Variants in EPSTI1 observed in about 807,000 individuals in gnomAD.
EPSTI1 encodes epithelial-stromal interaction protein 1.
Under a neutral mutation model 49.9 loss-of-function variants are expected in EPSTI1, and 66 were observed. The observed-to-expected ratio is 1.32, with a 90% CI of 1.08 to 1.62. The LOEUF is 1.62. EPSTI1 is among the 40% of genes most tolerant of loss of function. The pLI is 0.00. For missense variants in EPSTI1, 394 were observed against 365.5 expected (o/e 1.08, Z -0.64); for synonymous variants, 137 against 130.7 (o/e 1.05, Z -0.33).
intron 8 of EPSTI1, among the ~76,000 whole-genome samples, chr13:42,903,971 A>G (rs2037431019): frequency 1.3e-5 from 2 of 152,246 alleles, no homozygotes; most frequent in Non-Finnish European, 2.9e-5. Flanking sequence ...TGCATAGGCT[A>G]ATTCAATTTT....
In EPSTI1 at chr13:42,901,528, CAAT is replaced by C. The variant is rs146471089; in HGVS notation, c.742-1148_742-1146del. On this transcript the variant is annotated intron_variant, in intron 8 of 10. Transcript: ENST00000313624. ...AATCAATGAATAATATTTGTCCACT[CAAT>C]AAGCATTTGTTATACACCTTGCTGC... Among the ~76,000 whole-genome samples the C allele has an allele frequency of 1.6e-3, 244 of 152,260 alleles. 1 individual carries two copies. Among genetic ancestry groups the C allele is most frequent in the Non-Finnish European group, 3.0e-3 (206 of 68,038 alleles).
chr13:42,931,261 A>G (rs1455321113), intron 6 of EPSTI1, among the ~76,000 whole-genome samples: 1 of 131,384 alleles, frequency 7.6e-6, no homozygotes, highest in Non-Finnish European at 1.5e-5. Context: ...TGCGGACTGC[A>G]GTGGCGCAAT....
chr13:42,969,127 C>T lies in EPSTI1; in HGVS notation c.298G>A (p.Ala100Thr). The change falls in exon 3 of 11, where the codon GCT becomes ACT. Residue 100 changes from alanine (A) to threonine (T), a missense_variant. Transcript: ENST00000313624. ...CTGGGCACCAGGTGAACCGGTTTAG[C>T]TCTGTTCTGCTCCTTCCACTTCTCC... ...NLEKWKEQNRAKPVHLVPRRL... is the reference protein window; with the variant it reads ...NLEKWKEQNRTKPVHLVPRRL... 4.3e-6 allele frequency: 7 copies of T among 1,614,142 alleles called. No individual in the cohort carries two copies. The South Asian group carries it at 6.6e-5, about 15-fold the overall frequency.
intron 1 of EPSTI1, among the ~76,000 whole-genome samples, chr13:42,986,975 C>T (rs573824807): frequency 6.6e-6 from 1 of 152,156 alleles, no homozygotes; most frequent in African/African-American, 2.4e-5. Flanking sequence ...CCACCACCTA[C>T]CCCTTCATCT....
intron 3 of EPSTI1, among the ~76,000 whole-genome samples, chr13:42,968,717 G>A (rs1376608186): frequency 1.3e-5 from 2 of 151,932 alleles, no homozygotes; most frequent in Non-Finnish European, 2.9e-5. Context: ...ACATTTAACT[G>A]CCATGATTAA....
intron 8 of EPSTI1, among the ~76,000 whole-genome samples, chr13:42,909,034 A>G (rs1195643723): frequency 6.6e-6 from 1 of 152,170 alleles, no homozygotes; most frequent in Non-Finnish European, 1.5e-5. Context: ...CAGAGTTTGC[A>G]GTGTGCCAAG....
At chr13:42,926,154 T>G (rs1405149248) in intron 7 of EPSTI1, among the ~76,000 whole-genome samples, 182 bp downstream of exon 7, 2 of 152,154 alleles carry the variant, frequency 1.3e-5, no homozygotes, top group South Asian at 2.1e-4. Context: ...CAGGTGCCCA[T>G]AAAATAATAC....
intron 3 of EPSTI1, among the ~76,000 whole-genome samples, chr13:42,964,509 G>A (rs1226615930): frequency 1.3e-5 from 2 of 152,092 alleles, no homozygotes; most frequent in Non-Finnish European, 2.9e-5. Flanking sequence ...ATATGACCAT[G>A]CCCGAACCTA....
At chr13:42,978,248 G>C (rs549740559) in intron 1 of EPSTI1, among the ~76,000 whole-genome samples, 2 of 152,252 alleles carry the variant, frequency 1.3e-5, no homozygotes, top group African/African-American at 4.8e-5. Flanking sequence ...GGTGGTCAGA[G>C]TACAGTTTGG....
chr13:42,920,431 C>A (rs1162595746), intron 7 of EPSTI1, among the ~76,000 whole-genome samples: 1 of 152,140 alleles, frequency 6.6e-6, no homozygotes, highest in Admixed American at 6.5e-5. Context: ...AGGAAAAGAG[C>A]AAACCTGAAG....
At position 42,895,771 on chromosome 13, in the gene EPSTI1, G is replaced by C. The variant is rs894330873; in HGVS notation, c.816-663C>G. On this transcript the variant is annotated intron_variant, in intron 9 of 10. Transcript: ENST00000313624. Reference sequence around the variant, plus strand: ...TGCTCTGAGTTGCCCACGTATGGCTGAGTAGAGTCAGGGACTTGGAAGCTG... The same window carrying C: ...TGCTCTGAGTTGCCCACGTATGGCTCAGTAGAGTCAGGGACTTGGAAGCTG... Among the ~76,000 whole-genome samples the C allele has an allele frequency of 5.9e-5, 9 of 152,200 alleles. No homozygotes were observed. The South Asian group carries it at 6.2e-4, about 11-fold the overall frequency.
chr13:42,988,535 G>A (rs1213025392), intron 1 of EPSTI1, among the ~76,000 whole-genome samples: 7 of 152,088 alleles, frequency 4.6e-5, no homozygotes, highest in Admixed American at 2.6e-4. Flanking sequence ...GTTTGAGACC[G>A]GCCTGGCCAA....
chr13:42,988,130 C>T (rs1489809246), intron 1 of EPSTI1, among the ~76,000 whole-genome samples: 2 of 152,096 alleles, frequency 1.3e-5, no homozygotes, highest in Non-Finnish European at 2.9e-5. Flanking sequence ...TGAATTCAAC[C>T]CTATATTACC....
chr13:42,951,048 T>C (rs2039079632), intron 6 of EPSTI1, among the ~76,000 whole-genome samples: 1 of 152,104 alleles, frequency 6.6e-6, no homozygotes, highest in South Asian at 2.1e-4. Context: ...TCCCAGCTAC[T>C]TGGGAGGCTG....
rs2038378250 is a variant in EPSTI1 at position 42,931,640 on chromosome 13, A to C, written c.564-5211T>G. Among the ~76,000 whole-genome samples, 3 of 152,220 alleles carry C rather than the reference A, an allele frequency of 2.0e-5. No homozygotes were observed. The South Asian group carries it at 6.2e-4, about 31-fold the overall frequency. Reference sequence around the variant, plus strand: ...TTTGGTGTTTATGTTTTTTAACTACAGCTTTTCCTACCCTAAACTAACAGA... The same window carrying C: ...TTTGGTGTTTATGTTTTTTAACTACCGCTTTTCCTACCCTAAACTAACAGA... On this transcript the variant is annotated intron_variant, in intron 6 of 10. Coordinates refer to ENST00000313624, the MANE Select transcript of EPSTI1 (RefSeq NM_033255.5).
chr13:42,973,027 G>A (rs1248742023), intron 1 of EPSTI1, among the ~76,000 whole-genome samples: 2 of 152,168 alleles, frequency 1.3e-5, no homozygotes, highest in African/African-American at 4.8e-5. Flanking sequence ...TAAAGAATAG[G>A]ATCTGAAATA....
chr13:42,957,602 G>T (rs2039311691), intron 5 of EPSTI1, among the ~76,000 whole-genome samples: 1 of 152,266 alleles, frequency 6.6e-6, no homozygotes, highest in Admixed American at 6.5e-5. Context: ...TTGAGACAAG[G>T]TCTTGCTCTG....
At chr13:42,890,206 G>A (rs1389778401) in intron 10 of EPSTI1, among the ~76,000 whole-genome samples, 1 of 151,582 alleles carries the variant, frequency 6.6e-6, no homozygotes, top group African/African-American at 2.4e-5. Flanking sequence ...GCTTATTTGA[G>A]AGCTCATTCC....
rs768387672 is a variant in EPSTI1, at chr13:42,888,329, A to G, written c.*165T>C. 3.9e-5 allele frequency: 63 copies of G among 1,614,126 alleles called. No individual in the cohort carries two copies. Among genetic ancestry groups the G allele is most frequent in the Non-Finnish European group, 5.3e-5 (63 of 1,179,988 alleles). ...AATCAGCTCCTCCAAACATGCATAA[A>G]TGAGGACAAGGAGAAGCCAGTCACT... On this transcript the variant is annotated 3_prime_UTR_variant, in exon 11 of 11. Coordinates refer to ENST00000313624, the MANE Select transcript of EPSTI1 (RefSeq NM_033255.5).
Sources: gnomAD v4.1 joint callset for allele counts (sites outside exome capture counted in the v4.1 genomes callset) on GRCh38, gnomAD v4.1.1 for gene constraint, MANE v1.5 for transcripts, NCBI Gene and HGNC (gene_info 2026-07-23, HGNC 2026-07-21) for gene names.